The following LARGE1 variants were observed in gnomAD, a reference collection of about 807,000 sequenced individuals.
LARGE1 encodes the protein xylosyl- and glucuronyltransferase LARGE1.
In LARGE1, 43 loss-of-function variants were observed where a neutral mutation model predicts 87.6. That is an observed-to-expected ratio of 0.49 (90% confidence interval 0.38 to 0.63). The LOEUF is 0.63. LARGE1 is among the 30% of genes least tolerant of loss of function. The pLI is 0.00. For missense variants in LARGE1, 802 were observed against 1,000.2 expected (o/e 0.80, Z 2.67); for synonymous variants, 434 against 394.6 (o/e 1.10, Z -1.18).
At chr22:33,156,583 G>T in the LARGE1 span, among the ~76,000 whole-genome samples, 1 of 152,132 alleles carries the variant, frequency 6.6e-6, no homozygotes, top group African/African-American at 2.4e-5. Context: ...GTATCTAGGA[G>T]GTAACTATCT....
At chr22:33,121,713 C>T in the LARGE1 span, among the ~76,000 whole-genome samples, 1 of 152,228 alleles carries the variant, frequency 6.6e-6, no homozygotes, top group African/African-American at 2.4e-5. Context: ...TCTTACACTG[C>T]TAATGTGTGA....
At chr22:33,645,656 A>T (rs1037452991) in intron 3 of LARGE1, among the ~76,000 whole-genome samples, 14 of 152,206 alleles carry the variant, frequency 9.2e-5, no homozygotes, top group African/African-American at 3.1e-4. Flanking sequence ...GTAAACAGGC[A>T]ACCTACAGAA....
At chr22:33,732,956 T>A (rs1002097712) in intron 2 of LARGE1, 1 of 152,420 alleles carries the variant, frequency 6.6e-6, no homozygotes, top group Non-Finnish European at 1.5e-5. Flanking sequence ...CCTGTGTTCA[T>A]GTCATCTCCT....
the LARGE1 span, among the ~76,000 whole-genome samples, chr22:33,118,974 C>T: frequency 6.6e-6 from 1 of 152,222 alleles, no homozygotes; most frequent in Admixed American, 6.5e-5. Flanking sequence ...TGTGTCTCTT[C>T]ATCAAACAGG....
chr22:33,434,008 G>C (rs915330644), intron 6 of LARGE1, among the ~76,000 whole-genome samples: 1 of 152,200 alleles, frequency 6.6e-6, no homozygotes, highest in Non-Finnish European at 1.5e-5. Context: ...CATTGTATAT[G>C]ATGACATCTA....
chr22:33,118,733 G>A, the LARGE1 span, among the ~76,000 whole-genome samples: 1 of 152,098 alleles, frequency 6.6e-6, no homozygotes, highest in Non-Finnish European at 1.5e-5. Flanking sequence ...GTTATTTCCT[G>A]GAGTTTAACA....
chr22:33,746,628 A>C (rs796550510), intron 2 of LARGE1, among the ~76,000 whole-genome samples: 17 of 152,352 alleles, frequency 1.1e-4, no homozygotes, highest in African/African-American at 4.1e-4. Context: ...TCTAAAAAGG[A>C]AGTATGCTAT....
At chr22:33,864,359 GC>G (rs2064023382) in intron 1 of LARGE1, among the ~76,000 whole-genome samples, 2 of 152,150 alleles carry the variant, frequency 1.3e-5, no homozygotes, top group African/African-American at 4.8e-5. Context: ...TAAATAAATA[GC>G]CCAAAGCACA....
downstream of LARGE1, among the ~76,000 whole-genome samples, chr22:33,270,309 G>A (rs1215680262): frequency 8.7e-6 from 1 of 114,670 alleles, no homozygotes; most frequent in Non-Finnish European, 1.8e-5. Flanking sequence ...AACCCTTAGG[G>A]TTAAAAAAAA....
intron 6 of LARGE1, among the ~76,000 whole-genome samples, chr22:33,494,109 C>A (rs1339548114): frequency 6.6e-6 from 1 of 152,222 alleles, no homozygotes; most frequent in Admixed American, 6.5e-5. Context: ...AGTTTGAACA[C>A]TAATTTATAG....
rs545117668 is a variant in LARGE1, at chr22:33,514,050, A to G, written c.787+50798T>C. ...GCCTAGAAGCAACAGGCTATACCAT[A>G]TAGCCTAGATGTGTGGGAAGCTATA... is the stretch of plus-strand genomic sequence containing the variant. On this transcript the variant is annotated intron_variant, in intron 6 of 14. Transcript: ENST00000397394. 7.4e-4 allele frequency among the ~76,000 whole-genome samples: 113 copies of G among 152,302 alleles called. 2 individuals carry two copies. In the South Asian group the frequency reaches 0.018, roughly 24 times the overall value.
chr22:33,772,894 A>G (rs1373133195), intron 1 of LARGE1, among the ~76,000 whole-genome samples: 1 of 152,112 alleles, frequency 6.6e-6, no homozygotes, highest in Non-Finnish European at 1.5e-5. Flanking sequence ...TGCCATCATC[A>G]GGCGGCCTGC....
At chr22:33,803,741 G>A (rs956919381) in intron 1 of LARGE1, among the ~76,000 whole-genome samples, 1 of 152,198 alleles carries the variant, frequency 6.6e-6, no homozygotes, top group Admixed American at 6.5e-5. Flanking sequence ...GTGACCACAC[G>A]TGTGAAAACA....
At chr22:33,075,061 C>T in the LARGE1 span, among the ~76,000 whole-genome samples, 3 of 152,156 alleles carry the variant, frequency 2.0e-5, no homozygotes, top group South Asian at 2.1e-4. Context: ...GATTTAAATG[C>T]GTACCAGTGT....
At chr22:33,622,604 G>A (rs966675638) in intron 4 of LARGE1, among the ~76,000 whole-genome samples, 1 of 152,158 alleles carries the variant, frequency 6.6e-6, no homozygotes, top group African/African-American at 2.4e-5. Context: ...GGGTTCTCCT[G>A]ACCAGCCTGT....
At chr22:33,815,755 G>C (rs62227779) in intron 1 of LARGE1, among the ~76,000 whole-genome samples, 1 of 152,142 alleles carries the variant, frequency 6.6e-6, no homozygotes, top group Non-Finnish European at 1.5e-5. Flanking sequence ...GAACCACACC[G>C]GAAGGCATGT....
intron 14 of LARGE1, 47 bp from the exon 15 acceptor site, chr22:33,274,671 C>T (rs1352744592): frequency 2.6e-6 from 4 of 1,550,474 alleles, no homozygotes; most frequent in Non-Finnish European, 3.6e-6. Context: ...AGCCGAGGGT[C>T]ATGCATGATG....
intron 13 of LARGE1, among the ~76,000 whole-genome samples, chr22:33,278,261 G>A (rs911516228): frequency 5.3e-5 from 8 of 152,100 alleles, no homozygotes; most frequent in Admixed American, 2.0e-4. Context: ...GCCTAGGAAC[G>A]AAAGGAGAGA....
At chr22:33,329,977 ATTTCCTTATG>A (rs1196752650) in intron 10 of LARGE1, among the ~76,000 whole-genome samples, 1 of 151,646 alleles carries the variant, frequency 6.6e-6, no homozygotes, top group Non-Finnish European at 1.5e-5. Flanking sequence ...AAGGATCCTT[ATTTCCTTATG>A]TTTCATTAAA....
Sources: allele counts gnomAD v4.1 joint callset (sites outside exome capture counted in the v4.1 genomes callset), GRCh38; gene constraint gnomAD v4.1.1; transcripts MANE v1.5; gene names NCBI Gene and HGNC (gene_info 2026-07-23, HGNC 2026-07-21).